The following ARHGAP10 variants were observed in gnomAD, a reference collection of about 807,000 sequenced individuals.
ARHGAP10 encodes the protein Rho GTPase activating protein 10.
A neutral mutation model predicts 108.6 loss-of-function variants in ARHGAP10; 87 were observed. That is an observed-to-expected ratio of 0.80 (90% CI 0.67 to 0.96). The LOEUF is 0.96. Among genes scored for constraint, ARHGAP10 ranks in the 40% least tolerant of loss-of-function variants. The pLI is 0.00. For synonymous variants in ARHGAP10, 347 were observed against 341.1 expected, an observed-to-expected ratio of 1.02 and a Z score of -0.19; for missense variants, 939 against 954.5, an observed-to-expected ratio of 0.98 and a Z score of 0.21.
chr4:148,069,087 TG>T (rs1730034891), intron 22 of ARHGAP10, among the ~76,000 whole-genome samples: 1 of 151,936 alleles, frequency 6.6e-6, no homozygotes, highest in Non-Finnish European at 1.5e-5. Context: ...AGACACTGCT[TG>T]GGGGAGGAGT....
At chr4:148,009,387 T>C (rs559890574) in intron 18 of ARHGAP10, among the ~76,000 whole-genome samples, 6 of 152,298 alleles carry the variant, frequency 3.9e-5, no homozygotes, top group South Asian at 2.1e-4. Flanking sequence ...CCACCTTGGC[T>C]TCCCAAAGTG....
At chr4:147,766,449 G>A (rs1413989493) in intron 1 of ARHGAP10, among the ~76,000 whole-genome samples, 3 of 151,918 alleles carry the variant, frequency 2.0e-5, no homozygotes, top group African/African-American at 7.2e-5. Flanking sequence ...AAGTCAGTAT[G>A]TAAGCAACCA....
chr4:147,944,467 T>C (rs1738292915), intron 14 of ARHGAP10, among the ~76,000 whole-genome samples: 1 of 152,256 alleles, frequency 6.6e-6, no homozygotes, highest in South Asian at 2.1e-4. Flanking sequence ...TAACCATCAC[T>C]TCCTGTTTTA....
intron 1 of ARHGAP10, among the ~76,000 whole-genome samples, chr4:147,740,627 C>T (rs551405635): frequency 2.0e-4 from 31 of 152,208 alleles, no homozygotes; most frequent in African/African-American, 3.6e-4. Flanking sequence ...ATTCCAAGGT[C>T]GGGTTGATTT....
At position 148,033,908 on chromosome 4, in the gene ARHGAP10, G is replaced by A. The variant is rs532727818; in HGVS notation, c.1867+10495G>A. 6.6e-5 allele frequency among the ~76,000 whole-genome samples: 10 copies of A among 152,272 alleles called. No individual in the cohort carries two copies. The South Asian group carries it at 8.3e-4, about 13-fold the overall frequency. ...TTTCTCATGGTTACGTTGTCCCGGC[G>A]TTTTGGGGATCCCTATTACTGGAAA... On this transcript the variant is annotated intron_variant, in intron 19 of 22. Transcript: ENST00000336498.
intron 1 of ARHGAP10, among the ~76,000 whole-genome samples, chr4:147,814,181 A>G (rs1156890853): frequency 6.6e-6 from 1 of 152,096 alleles, no homozygotes; most frequent in Non-Finnish European, 1.5e-5. Flanking sequence ...TGAGCAAGTG[A>G]TAGATGCCCA....
Position 147,797,900 on chromosome 4 carries a change from CA to C in ARHGAP10, c.155-24826del, listed in dbSNP as rs1479492328. 2.0e-5 allele frequency among the ~76,000 whole-genome samples: 3 copies of C among 152,122 alleles called. No individual in the cohort carries two copies. The East Asian group carries it at 5.8e-4, about 29-fold the overall frequency. ...GCATCCCATCTCATCTAGCTCATCC[CA>C]CCCCAACCCATCCCATGCCATCTCA... is the stretch of plus-strand genomic sequence containing the variant. On this transcript the variant is annotated intron_variant, in intron 1 of 22. Transcript: ENST00000336498.
intron 1 of ARHGAP10, among the ~76,000 whole-genome samples, chr4:147,771,304 C>T (rs1203982489): frequency 6.6e-6 from 1 of 152,092 alleles, no homozygotes; most frequent in African/African-American, 2.4e-5. Context: ...GACATGTGCT[C>T]AAGTGGGTTT....
intron 1 of ARHGAP10, among the ~76,000 whole-genome samples, chr4:147,798,407 C>T (rs1022361094): frequency 2.6e-5 from 4 of 152,106 alleles, no homozygotes; most frequent in Admixed American, 2.6e-4. Flanking sequence ...TTTGAATCTT[C>T]TGTGTTAAAA....
At chr4:147,947,895 TATC>T (rs1738447160) in intron 15 of ARHGAP10, among the ~76,000 whole-genome samples, 1 of 152,098 alleles carries the variant, frequency 6.6e-6, no homozygotes, top group African/African-American at 2.4e-5. Context: ...CTTCTTGAGT[TATC>T]AACATTCCAT....
intron 10 of ARHGAP10, among the ~76,000 whole-genome samples, chr4:147,886,563 A>T (rs1209851616): frequency 6.6e-6 from 1 of 152,064 alleles, no homozygotes; most frequent in African/African-American, 2.4e-5. Flanking sequence ...GTCACTCATC[A>T]CAGTCCCTTT....
intron 7 of ARHGAP10, among the ~76,000 whole-genome samples, chr4:147,868,432 C>T (rs1398501608): frequency 6.6e-6 from 1 of 151,998 alleles, no homozygotes. Context: ...GAGATGGCAT[C>T]TCATTGTGTT....
At chr4:147,744,632 G>A (rs1308529359) in intron 1 of ARHGAP10, among the ~76,000 whole-genome samples, 24 of 152,058 alleles carry the variant, frequency 1.6e-4, no homozygotes, top group Non-Finnish European at 3.4e-4. Flanking sequence ...AGGCTATAGG[G>A]GGTGATTGGG....
In ARHGAP10 at chr4:147,992,246, A is replaced by G. The variant is rs936737831; in HGVS notation, c.1716+25407A>G. Among the ~76,000 whole-genome samples the G allele has an allele frequency of 3.3e-5, 5 of 151,908 alleles. No individual in the cohort carries two copies. The East Asian group carries it at 5.8e-4, about 18-fold the overall frequency. On this transcript the variant is annotated intron_variant, in intron 18 of 22. Coordinates refer to ENST00000336498, the MANE Select transcript of ARHGAP10 (RefSeq NM_024605.4). ...TTGCATGCTGTCGTTCGGTCCCCAC[A>G]TTTTTTGGAGAAGCCAGGTGTTGCC...
At chr4:147,915,954 A>T (rs1036843948) in intron 13 of ARHGAP10, among the ~76,000 whole-genome samples, 5 of 152,142 alleles carry the variant, frequency 3.3e-5, no homozygotes, top group African/African-American at 1.2e-4. Context: ...AATTTTTTTA[A>T]AAAAATTAGC....
chr4:147,743,035 T>C (rs1340079294), intron 1 of ARHGAP10, among the ~76,000 whole-genome samples: 1 of 151,760 alleles, frequency 6.6e-6, no homozygotes, highest in Non-Finnish European at 1.5e-5. Context: ...TTTTTTTTTT[T>C]TTTTAATTTT....
intron 18 of ARHGAP10, among the ~76,000 whole-genome samples, chr4:148,021,193 A>G (rs1388719288): frequency 1.3e-5 from 2 of 152,088 alleles, no homozygotes; most frequent in Admixed American, 1.3e-4. Context: ...AAGGACTGAG[A>G]TCAGTCCTCT....
intron 1 of ARHGAP10, 126 bp downstream of exon 1, chr4:147,732,581 GACCAGCCCA>G (rs1166916054): frequency 8.0e-6 from 11 of 1,371,036 alleles, no homozygotes; most frequent in Non-Finnish European, 6.0e-6. Context: ...ATTCATTCCG[GACCAGCCCA>G]GCTCTCTCGG....
chr4:147,760,027 G>A (rs1441085273), intron 1 of ARHGAP10, among the ~76,000 whole-genome samples: 1 of 152,172 alleles, frequency 6.6e-6, no homozygotes, highest in African/African-American at 2.4e-5. Context: ...TGGAATTATA[G>A]GCATGAGACA....
Sources: allele counts gnomAD v4.1 joint callset (sites outside exome capture counted in the v4.1 genomes callset), GRCh38; gene constraint gnomAD v4.1.1; transcripts MANE v1.5; gene names NCBI Gene and HGNC (gene_info 2026-07-23, HGNC 2026-07-21).